RSPH1: variants seen among roughly 807,000 people sequenced by gnomAD.
RSPH1 encodes radial spoke head component 1.
Under a neutral mutation model 44.2 loss-of-function variants are expected in RSPH1, and 32 were observed. That is an observed-to-expected ratio of 0.72 (90% confidence interval 0.55 to 0.97). The LOEUF is 0.97. RSPH1 is among the 50% of genes least tolerant of loss of function. The pLI is 0.00. For missense variants in RSPH1, 391 were observed against 398.7 expected (o/e 0.98, Z 0.16); for synonymous variants, 134 against 147.3 (o/e 0.91, Z 0.65).
rs142323643 is a variant in RSPH1, at chr21:42,477,172, C to T, written c.727+119G>A. 189 of 293,912 alleles carry T rather than the reference C, an allele frequency of 6.4e-4. 13 individuals are homozygous for T. Among genetic ancestry groups the T allele is most frequent in the Admixed American group, 2.4e-3 (25 of 10,426 alleles). 18.2% of individuals were successfully genotyped at this position (293,912 alleles called of 1,614,324 possible). ...TCCACCCCACAGCCCGGGGATGCCC[C>T]ACACCCTCTGACCCCTCCACCCCAC... On this transcript the variant is annotated intron_variant, in intron 7 of 8. Transcript: ENST00000291536.
chr21:42,477,346 G>A lies in RSPH1; in HGVS notation c.672C>T (p.Leu224=). The change falls in exon 7 of 9, where the codon CTC becomes CTT. Residue 224 remains leucine (L), a synonymous_variant. Transcript: ENST00000291536. ...CATCCGTAGAGGTCGGCTTTTTGGG[G>A]AGAGTTGGTGTCCACAGGGCCAATT... ...ITELALWTPT[L]PKKPTSTDGP... The A allele has an allele frequency of 6.2e-7, 1 of 1,614,162 alleles. No individual in the cohort carries two copies. The highest frequency in any genetic ancestry group is 8.5e-7 in the Non-Finnish European group (1 of 1,180,028).
intron 6 of RSPH1, 108 bp from the exon 7 acceptor site, chr21:42,477,552 T>C: frequency 8.5e-7 from 1 of 1,170,522 alleles, no homozygotes; most frequent in Non-Finnish European, 1.2e-6. Flanking sequence ...TTTTGGCTTG[T>C]GTTTCAGCCT....
intron 3 of RSPH1, among the ~76,000 whole-genome samples, chr21:42,488,236 C>G (rs532547546): frequency 6.6e-6 from 1 of 152,270 alleles, no homozygotes; most frequent in Non-Finnish European, 1.5e-5. Context: ...GTCCCTGAAC[C>G]TAAATTAACC....
Position 42,476,877 on chromosome 21 carries a change from A to G in RSPH1, c.727+414T>C, listed in dbSNP as rs147997557. Among the ~76,000 whole-genome samples, 21 of 152,274 alleles carry G rather than the reference A, an allele frequency of 1.4e-4. No homozygotes were observed. In the East Asian group the frequency reaches 3.5e-3, roughly 25 times the overall value. ...ATCCCGCACACTCAACTGACCCAGC[A>G]TCTGATTTTCAGAGAGTCCAACCAC... On this transcript the variant is annotated intron_variant, in intron 7 of 8. Coordinates refer to ENST00000291536, the MANE Select transcript of RSPH1 (RefSeq NM_080860.4).
At chr21:42,480,875 G>C (rs1449887863) in intron 6 of RSPH1, among the ~76,000 whole-genome samples, 1 of 152,116 alleles carries the variant, frequency 6.6e-6, no homozygotes, top group Non-Finnish European at 1.5e-5. Flanking sequence ...TACCTCCTGT[G>C]ACCAAGGATA....
chr21:42,478,540 G>A (rs1209428766), intron 6 of RSPH1, among the ~76,000 whole-genome samples: 7 of 152,228 alleles, frequency 4.6e-5, no homozygotes, highest in Admixed American at 3.9e-4. Context: ...CACTAGTTTG[G>A]GAACTGCACG....
intron 6 of RSPH1, among the ~76,000 whole-genome samples, chr21:42,479,494 G>C: frequency 6.6e-6 from 1 of 152,058 alleles, no homozygotes; most frequent in Non-Finnish European, 1.5e-5. Flanking sequence ...AATAAGATGG[G>C]CTTTATTTTT....
At position 42,485,717 on chromosome 21, in the gene RSPH1, C is replaced by A; in HGVS notation, c.453G>T (p.Glu151Asp). 1 of 1,614,230 alleles carries A rather than the reference C, an allele frequency of 6.2e-7. No individual in the cohort carries two copies. The highest frequency in any genetic ancestry group is 8.5e-7 in the Non-Finnish European group (1 of 1,180,044). The change falls in exon 5 of 9, where the codon GAG becomes GAT. Residue 151 changes from glutamate to aspartate, a missense_variant. Transcript: ENST00000291536. ...WVNGQQEGTA[E>D]LIHLNHRYQG... ...GGTACCTGTGGTTCAGGTGAATGAG[C>A]TCGGCCGTGCCCTCCTGCTGTCCGT...
chr21:42,491,623 G>A (rs2054236535), intron 3 of RSPH1, among the ~76,000 whole-genome samples: 2 of 152,158 alleles, frequency 1.3e-5, no homozygotes, highest in African/African-American at 4.8e-5. Context: ...CAAGCCTTCT[G>A]GGATTTATGA....
chr21:42,483,181 A>G (rs1262752069), intron 5 of RSPH1, among the ~76,000 whole-genome samples: 4 of 152,066 alleles, frequency 2.6e-5, no homozygotes, highest in East Asian at 1.9e-4. Flanking sequence ...ACTTTATTTC[A>G]TCTATGGATT....
At chr21:42,473,955 G>A (rs955467618) in intron 8 of RSPH1, among the ~76,000 whole-genome samples, 4 of 152,200 alleles carry the variant, frequency 2.6e-5, no homozygotes, top group Non-Finnish European at 4.4e-5. Flanking sequence ...CAAGGCTGGT[G>A]CATGAACCCA....
At chr21:42,485,827 G>A (rs752505905) in intron 4 of RSPH1, 23 bp from the exon 5 acceptor site, 28 of 1,613,786 alleles carry the variant, frequency 1.7e-5, no homozygotes, top group Non-Finnish European at 2.4e-5. Context: ...AGGGGAACAT[G>A]GTATTTCGTT....
intron 3 of RSPH1, among the ~76,000 whole-genome samples, chr21:42,488,281 G>C (rs183537980): frequency 5.4e-4 from 83 of 152,312 alleles, no homozygotes; most frequent in Non-Finnish European, 2.2e-4. Flanking sequence ...GGATTTGTCT[G>C]GGTCTTAAGG....
intron 6 of RSPH1, among the ~76,000 whole-genome samples, chr21:42,480,427 G>A (rs373124309): frequency 4.5e-4 from 68 of 152,262 alleles, no homozygotes; most frequent in African/African-American, 1.6e-3. Flanking sequence ...GATCATCTGA[G>A]GTCGAAAGTT....
intron 8 of RSPH1, among the ~76,000 whole-genome samples, chr21:42,473,917 A>C (rs1410205355): frequency 6.6e-6 from 1 of 151,900 alleles, no homozygotes; most frequent in African/African-American, 2.4e-5. Context: ...CCCCAAAACC[A>C]CTGAGTTAAG....
At chr21:42,475,560 T>A (rs2054037169) in intron 8 of RSPH1, among the ~76,000 whole-genome samples, 1 of 135,374 alleles carries the variant, frequency 7.4e-6, no homozygotes, top group South Asian at 2.7e-4. Flanking sequence ...ATAGCAAGAC[T>A]CCATCTCAAA....
rs769151189 is a variant in RSPH1 at position 42,486,435 on chromosome 21, C to T, written c.301G>A (p.Gly101Ser). ...TTGATGTAGTAGTATACGCCATGGC[C>T]GTGCCGCAGGTCATTTGCCCACTCT... ...EGEWANDLRH[G>S]HGVYYYINND... The change falls in exon 4 of 9, where the codon GGC becomes AGC. Residue 101 changes from glycine to serine, a missense_variant. Physicochemically the swap from Gly to Ser is moderately conservative, Grantham distance 56. Coordinates refer to ENST00000291536, the MANE Select transcript of RSPH1 (RefSeq NM_080860.4). The T allele has an allele frequency of 3.1e-6, 5 of 1,614,052 alleles. No homozygotes were observed. The highest frequency in any genetic ancestry group is 2.2e-5 in the East Asian group (1 of 44,888).
intron 6 of RSPH1, among the ~76,000 whole-genome samples, chr21:42,480,863 T>C (rs2054121420): frequency 6.6e-6 from 1 of 152,104 alleles, no homozygotes; most frequent in Admixed American, 6.5e-5. Context: ...CAGTGTGGCT[T>C]CTACCTCCTG....
intron 1 of RSPH1, 122 bp downstream of exon 1, chr21:42,496,011 G>A: frequency 9.0e-7 from 1 of 1,115,552 alleles, no homozygotes; most frequent in Non-Finnish European, 1.3e-6. Flanking sequence ...TCCCTGCCGG[G>A]GATCCTGGGG....
Sources: allele counts gnomAD v4.1 joint callset (sites outside exome capture counted in the v4.1 genomes callset), GRCh38; gene constraint gnomAD v4.1.1; transcripts MANE v1.5; gene names NCBI Gene and HGNC (gene_info 2026-07-23, HGNC 2026-07-21).